PAPSS2: variants seen among roughly 807,000 people sequenced by gnomAD.
PAPSS2 encodes bifunctional 3'-phosphoadenosine 5'-phosphosulfate synthase 2.
Under a neutral mutation model 66.5 loss-of-function variants are expected in PAPSS2, and 61 were observed. That is an observed-to-expected ratio of 0.92 (90% CI 0.75 to 1.14). The LOEUF (loss-of-function observed/expected upper bound fraction) is 1.14, where lower values mean the gene tolerates loss of function less well. Among genes scored for constraint, PAPSS2 ranks in the 50% most tolerant of loss-of-function variants. The pLI, the probability that PAPSS2 is intolerant of heterozygous loss-of-function variation, is 0.00. For missense variants in PAPSS2, 708 were observed against 789.6 expected (o/e 0.90, Z 1.24); for synonymous variants, 289 against 287.5 (o/e 1.01, Z -0.05).
chr10:87,695,033 G>A (rs577711805), intron 1 of PAPSS2, among the ~76,000 whole-genome samples: 1 of 152,258 alleles, frequency 6.6e-6, no homozygotes. Flanking sequence ...CAAAGGCCAG[G>A]GCTGGAGAAT....
chr10:87,694,829 A>G (rs995090222), intron 1 of PAPSS2, among the ~76,000 whole-genome samples: 1 of 152,224 alleles, frequency 6.6e-6, no homozygotes, highest in Admixed American at 6.5e-5. Flanking sequence ...GGAAATCAGT[A>G]AAGGGGCTCT....
chr10:87,706,106 A>ATGTG (rs1223497557), intron 1 of PAPSS2, among the ~76,000 whole-genome samples: 13 of 85,274 alleles, frequency 1.5e-4, no homozygotes, highest in East Asian at 3.3e-4. Context: ...ATATATATAT[A>ATGTG]TATGTGTGTG....
chr10:87,723,075 A>G lies in PAPSS2; in HGVS notation c.880+1305A>G, dbSNP rs137876662. 6.7e-3 allele frequency among the ~76,000 whole-genome samples: 1,026 copies of G among 152,302 alleles called. 14 individuals are homozygous for G. The highest frequency in any genetic ancestry group is 0.023 in the African/African-American group (960 of 41,564). On this transcript the variant is annotated intron_variant, in intron 8 of 12. Transcript: ENST00000456849. Reference sequence around the variant, plus strand: ...AAGTCAGAATACTTGATGGAAGGCAACGTTACAGACGTGTTGCAGGCAGCG... The same window carrying G: ...AAGTCAGAATACTTGATGGAAGGCAGCGTTACAGACGTGTTGCAGGCAGCG...
chr10:87,734,661 G>GTGTA (rs201303650), intron 9 of PAPSS2, among the ~76,000 whole-genome samples: 18 of 90,374 alleles, frequency 2.0e-4, no homozygotes, highest in Non-Finnish European at 3.8e-4. Flanking sequence ...ATGAATGTGT[G>GTGTA]TGTATATATA....
At chr10:87,692,121 TA>T (rs141184053) in intron 1 of PAPSS2, among the ~76,000 whole-genome samples, 5,153 of 152,230 alleles carry the variant, frequency 0.034, 125 homozygotes, top group Non-Finnish European at 0.052. Context: ...TTAATTTTTT[TA>T]ATGAAGGAGA....
chr10:87,724,127 A>AT lies in PAPSS2; in HGVS notation c.880+2364dup, dbSNP rs1028184486. 5.9e-5 allele frequency among the ~76,000 whole-genome samples: 9 copies of AT among 152,166 alleles called. No individual in the cohort carries two copies. In the East Asian group the frequency reaches 9.6e-4, roughly 16 times the overall value. ...TTGTAGGAGGAACACCGTTTTGTAC[A>AT]TTTTTTTACATTATCTAGAATCATA... On this transcript the variant is annotated intron_variant, in intron 8 of 12. Coordinates refer to ENST00000456849, the MANE Select transcript of PAPSS2 (RefSeq NM_001015880.2).
chr10:87,741,458 G>T (rs911215803), intron 10 of PAPSS2, 88 bp downstream of exon 10: 10 of 1,147,298 alleles, frequency 8.7e-6, no homozygotes, highest in African/African-American at 7.7e-5. Context: ...GCAATGGCAC[G>T]ATCTCAGCTC....
At chr10:87,696,542 G>A (rs1298852411) in intron 1 of PAPSS2, among the ~76,000 whole-genome samples, 1 of 152,160 alleles carries the variant, frequency 6.6e-6, no homozygotes, top group Non-Finnish European at 1.5e-5. Context: ...TCATAGATAT[G>A]CCTATACTTG....
At chr10:87,679,531 CT>C (rs1852990772) in intron 1 of PAPSS2, among the ~76,000 whole-genome samples, 2 of 152,150 alleles carry the variant, frequency 1.3e-5, no homozygotes, top group Non-Finnish European at 2.9e-5. Context: ...ATGTAACAAA[CT>C]ACCACATGCA....
At chr10:87,708,651 T>C (rs1380701263) in intron 1 of PAPSS2, among the ~76,000 whole-genome samples, 1 of 152,166 alleles carries the variant, frequency 6.6e-6, no homozygotes, top group East Asian at 1.9e-4. Flanking sequence ...ACCAGAACTA[T>C]TACATAAAAT....
chr10:87,692,904 AATC>A (rs756470612), intron 1 of PAPSS2, among the ~76,000 whole-genome samples: 1 of 152,140 alleles, frequency 6.6e-6, no homozygotes, highest in Non-Finnish European at 1.5e-5. Context: ...TCTTGCCAAT[AATC>A]ATCATAACAA....
chr10:87,678,095 A>C (rs1232062900), intron 1 of PAPSS2, among the ~76,000 whole-genome samples: 1 of 152,174 alleles, frequency 6.6e-6, no homozygotes, highest in East Asian at 1.9e-4. Flanking sequence ...CAGATACTAT[A>C]AATTTTTTTG....
At chr10:87,691,668 G>A (rs981945048) in intron 1 of PAPSS2, among the ~76,000 whole-genome samples, 12 of 152,192 alleles carry the variant, frequency 7.9e-5, no homozygotes, top group African/African-American at 2.7e-4. Context: ...ATACTGTGGG[G>A]TCAGAGGAGG....
intron 1 of PAPSS2, among the ~76,000 whole-genome samples, chr10:87,664,703 G>T (rs1852794836): frequency 6.6e-6 from 1 of 152,178 alleles, no homozygotes; most frequent in South Asian, 2.1e-4. Flanking sequence ...GTCAATCTCA[G>T]TCCTAGGAGA....
intron 7 of PAPSS2, among the ~76,000 whole-genome samples, chr10:87,716,770 C>T (rs1434262276): frequency 6.6e-6 from 1 of 152,122 alleles, no homozygotes; most frequent in Non-Finnish European, 1.5e-5. Flanking sequence ...CAGATAACAC[C>T]CCACAACCTG....
intron 9 of PAPSS2, among the ~76,000 whole-genome samples, chr10:87,740,570 G>T (rs2131729178): frequency 6.6e-6 from 1 of 152,308 alleles, no homozygotes; most frequent in South Asian, 2.1e-4. Flanking sequence ...TATGAGAAGT[G>T]CATTAATATG....
At chr10:87,660,804 GAAAAAAAAAAAA>G (rs61018901) in intron 1 of PAPSS2, among the ~76,000 whole-genome samples, 5 of 114,106 alleles carry the variant, frequency 4.4e-5, no homozygotes, top group East Asian at 3.9e-4. Flanking sequence ...CCAATAAACT[GAAAAAAAAAAAA>G]AAAAAAAAAA....
At chr10:87,700,079 C>T (rs1853284175) in intron 1 of PAPSS2, among the ~76,000 whole-genome samples, 1 of 152,094 alleles carries the variant, frequency 6.6e-6, no homozygotes, top group Non-Finnish European at 1.5e-5. Flanking sequence ...TTAACTCACT[C>T]TGTAAGCTGT....
At chr10:87,672,685 G>C (rs1487348529) in intron 1 of PAPSS2, among the ~76,000 whole-genome samples, 3 of 152,176 alleles carry the variant, frequency 2.0e-5, no homozygotes, top group African/African-American at 7.2e-5. Flanking sequence ...ACCAAGGCTT[G>C]AGGAAAGAGA....
Sources: gnomAD v4.1 joint callset for allele counts (sites outside exome capture counted in the v4.1 genomes callset) on GRCh38, gnomAD v4.1.1 for gene constraint, MANE v1.5 for transcripts, NCBI Gene and HGNC (gene_info 2026-07-23, HGNC 2026-07-21) for gene names.